Variants in PLEKHA4 observed in about 807,000 individuals in gnomAD.
PLEKHA4 encodes the protein pleckstrin homology domain containing A4.
In PLEKHA4, 73 loss-of-function variants were observed where a neutral mutation model predicts 94.7. That is an observed-to-expected ratio of 0.77 (90% CI 0.64 to 0.94). PLEKHA4 has a LOEUF of 0.94. Ranked by LOEUF, PLEKHA4 falls within the 40% of genes least tolerant of loss-of-function variation. The pLI, the probability that PLEKHA4 is intolerant of heterozygous loss-of-function variation, is 0.00. For missense variants in PLEKHA4, 1,049 were observed against 1,054.1 expected (o/e 1.00, Z 0.07); for synonymous variants, 449 against 437.1 (o/e 1.03, Z -0.34).
intron 6 of PLEKHA4, 146 bp downstream of exon 6, chr19:48,860,204 G>A (rs766661032): frequency 1.5e-6 from 1 of 663,574 alleles, no homozygotes; most frequent in Non-Finnish European, 2.6e-6. Flanking sequence ...AAAGTTCCCT[G>A]GAGGTGGGGC....
intron 17 of PLEKHA4, among the ~76,000 whole-genome samples, chr19:48,839,969 G>T (rs2035691037): frequency 6.6e-6 from 1 of 151,816 alleles, no homozygotes; most frequent in African/African-American, 2.4e-5. Context: ...TTAGCAGGGT[G>T]TGGTGGCATG....
Position 48,852,304 on chromosome 19 carries a change from G to T in PLEKHA4, c.1349C>A (p.Thr450Lys), listed in dbSNP as rs770785626. ...CAGCTCCTGCTCCAGGCCACTGTAC[G>T]TGTCCCAAACCCTCTCTCGCTCCTC... Reference protein sequence around the residue: ...LTQERERVWDTYSGLEQELGT... With the variant: ...LTQERERVWDKYSGLEQELGT... Residue 450 changes from threonine to lysine, a missense_variant, in exon 13 of 20, where the codon ACG becomes AAG. Transcript: ENST00000263265. 2 of 1,613,840 alleles carry T rather than the reference G, an allele frequency of 1.2e-6. No individual in the cohort carries two copies. Among genetic ancestry groups the T allele is most frequent in the Non-Finnish European group, 1.7e-6 (2 of 1,179,986 alleles).
Position 48,861,678 on chromosome 19 carries a change from G to C in PLEKHA4, c.207C>G (p.Leu69=). The C allele has an allele frequency of 6.2e-7, 1 of 1,614,092 alleles. No homozygotes were observed. The highest frequency in any genetic ancestry group is 1.7e-5 in the Admixed American group (1 of 60,004). Residue 69 remains leucine, a synonymous_variant, in exon 4 of 20, where the codon CTC becomes CTG. Coordinates refer to ENST00000263265, the MANE Select transcript of PLEKHA4 (RefSeq NM_020904.3). ...GWLHKQDSSG[L]RLWKRRWFVL... ...CGAACCAGCGGCGTTTCCAGAGACG[G>C]AGCCCCGAGCTGTCCTGGGGAGAGA...
intron 3 of PLEKHA4, 120 bp from the exon 4 acceptor site, chr19:48,861,812 G>A: frequency 1.1e-6 from 1 of 914,054 alleles, no homozygotes; most frequent in Non-Finnish European, 1.7e-6. Context: ...GGAGAACAGA[G>A]ACATAAAGTA....
At chr19:48,853,551 A>T in intron 12 of PLEKHA4, 131 bp downstream of exon 12, 1 of 1,012,602 alleles carries the variant, frequency 9.9e-7, no homozygotes, top group South Asian at 2.6e-5. Flanking sequence ...AGAGAGAAAA[A>T]ATAATAAAAT....
Position 48,859,126 on chromosome 19 carries a change from G to C in PLEKHA4, c.706C>G (p.Leu236Val). ...RARSPDLFTP[L>V]SRPPSPLSLP... is the part of the protein sequence containing the mutation. ...CTCAGAGGCGAGGGAGGGCGAGAGA[G>C]GGGGGTGAACAGGCTGTGGGAAGGA... Residue 236 changes from leucine to valine, a missense_variant, in exon 8 of 20, where the codon CTC (leucine) becomes GTC (valine). Leu to Val is a conservative substitution (Grantham distance 32, BLOSUM62 1). Coordinates refer to ENST00000263265, the MANE Select transcript of PLEKHA4 (RefSeq NM_020904.3). The C allele has an allele frequency of 5.3e-6, 8 of 1,515,442 alleles. No individual in the cohort carries two copies. Among genetic ancestry groups the C allele is most frequent in the East Asian group, 4.9e-5 (2 of 40,558 alleles). 93.9% of individuals were successfully genotyped at this position (1,515,442 alleles called of 1,614,324 possible). A position where few individuals can be genotyped will look rare whatever the true frequency, so the allele number is the denominator to read the frequency against.
rs1372124686 is a variant in PLEKHA4 at position 48,858,877 on chromosome 19, GACTC to G, written c.951_954del (p.Trp317CysfsTer51). ...CTGCTCACCTGTGTTCTGGGCTCCTGACTCCAGTGCTGGGGACTCCTGGGGGGCT... is the reference window on the plus strand; with the variant it reads ...CTGCTCACCTGTGTTCTGGGCTCCTGCAGTGCTGGGGACTCCTGGGGGGCT... On this transcript the variant is annotated frameshift_variant, in exon 8 of 20. Transcript: ENST00000263265. LOFTEE classifies it high-confidence loss of function. 6.2e-7 allele frequency: 1 copy of G among 1,612,584 alleles called. No homozygotes were observed. Among genetic ancestry groups the G allele is most frequent in the African/African-American group, 1.3e-5 (1 of 74,762 alleles).
intron 14 of PLEKHA4, among the ~76,000 whole-genome samples, chr19:48,846,219 C>T (rs183473893): frequency 7.3e-5 from 11 of 151,652 alleles, no homozygotes; most frequent in Admixed American, 1.3e-4. Flanking sequence ...TTTGGGAGGC[C>T]GAGGCAGGCG....
chr19:48,858,942 G>T lies in PLEKHA4; in HGVS notation c.890C>A (p.Pro297His). 1 of 1,598,602 alleles carries T rather than the reference G, an allele frequency of 6.3e-7. No homozygotes were observed. Among genetic ancestry groups the T allele is most frequent in the Non-Finnish European group, 8.5e-7 (1 of 1,175,330 alleles). Residue 297 changes from proline to histidine, a missense_variant, in exon 8 of 20, where the codon CCC becomes CAC. By Grantham distance (77) the Pro-to-His change is moderately conservative. Transcript: ENST00000263265. ...QRQTLSRPPT[P>H]RRGPPSEAGG... is the part of the protein sequence containing the mutation. The stretch of plus-strand genomic sequence containing the variant: ...AGCCTCAGAGGGAGGTCCTCGGCGG[G>T]GAGTAGGGGGTCGGGAGAGGGTCTG...
intron 14 of PLEKHA4, among the ~76,000 whole-genome samples, chr19:48,846,440 A>G (rs766775769): frequency 3.5e-4 from 53 of 151,994 alleles, no homozygotes; most frequent in Middle Eastern, 3.2e-3. Context: ...CAACAGAGAG[A>G]GACTCCATCT....
Position 48,861,520 on chromosome 19 carries a change from G to C in PLEKHA4, c.266-19C>G. ...CGGCTGTCTGCAAAGAGGGGCTGGG[G>C]TCAAGGATCACACAGGGATCAGAAG... On this transcript the variant is annotated intron_variant, in intron 4 of 19. Transcript: ENST00000263265. The C allele has an allele frequency of 6.2e-7, 1 of 1,613,530 alleles. No homozygotes were observed. The highest frequency in any genetic ancestry group is 8.5e-7 in the Non-Finnish European group (1 of 1,179,484).
chr19:48,854,456 CCT>C (rs2123053243), intron 9 of PLEKHA4, among the ~76,000 whole-genome samples, 192 bp from the exon 10 acceptor site: 1 of 152,150 alleles, frequency 6.6e-6, no homozygotes, highest in East Asian at 1.9e-4. Context: ...GCAGGCTCAA[CCT>C]CCTGGGCTCA....
At chr19:48,850,041 TC>T (rs2036121547) in intron 13 of PLEKHA4, among the ~76,000 whole-genome samples, 1 of 151,574 alleles carries the variant, frequency 6.6e-6, no homozygotes, top group African/African-American at 2.4e-5. Context: ...TGAAACCCCG[TC>T]TCTACTAAAA....
chr19:48,853,180 A>G (rs1426486342), intron 12 of PLEKHA4, among the ~76,000 whole-genome samples: 2 of 151,486 alleles, frequency 1.3e-5, no homozygotes, highest in Admixed American at 1.3e-4. Context: ...TTAAATATTC[A>G]TTCATTCATT....
chr19:48,851,338 C>T (rs986546381), intron 13 of PLEKHA4, among the ~76,000 whole-genome samples: 2 of 152,118 alleles, frequency 1.3e-5, no homozygotes, highest in African/African-American at 2.4e-5. Flanking sequence ...TGTTGTAGGC[C>T]GGGCGCAGTG....
chr19:48,850,761 G>A (rs1458483650), intron 13 of PLEKHA4, among the ~76,000 whole-genome samples: 1 of 152,000 alleles, frequency 6.6e-6, no homozygotes, highest in African/African-American at 2.4e-5. Context: ...ATGTTGCGGT[G>A]AACCGAGATT....
rs2035605284 is a variant in PLEKHA4, at chr19:48,838,037, T to G, written c.2057A>C (p.Gln686Pro). The change falls in exon 19 of 20, where the codon CAG becomes CCG. Residue 686 changes from glutamine to proline, a missense_variant. Gln to Pro is a moderately conservative substitution (Grantham distance 76). Coordinates refer to ENST00000263265, the MANE Select transcript of PLEKHA4 (RefSeq NM_020904.3). ...GTCACCTGTCATCATTCTGTGCCACTGCGACGCCTCAGTAGCCAGGGCTTG... is the reference window on the plus strand; with the variant it reads ...GTCACCTGTCATCATTCTGTGCCACGGCGACGCCTCAGTAGCCAGGGCTTG... ...LSQALATEAS[Q>P]WHRMMTGGNL... The G allele has an allele frequency of 6.2e-7, 1 of 1,613,544 alleles. No homozygotes were observed. Among genetic ancestry groups the G allele is most frequent in the Non-Finnish European group, 8.5e-7 (1 of 1,179,708 alleles).
intron 9 of PLEKHA4, 100 bp from the exon 10 acceptor site, chr19:48,854,364 C>A: frequency 1.0e-6 from 1 of 1,004,702 alleles, no homozygotes; most frequent in Non-Finnish European, 1.5e-6. Flanking sequence ...AGGTACTGCA[C>A]TATTTATTTA....
intron 6 of PLEKHA4, chr19:48,859,989 A>G: frequency 1.8e-6 from 1 of 562,102 alleles, no homozygotes; most frequent in South Asian, 2.3e-5. Flanking sequence ...AGATAGTCTG[A>G]CATTTTTTTA....
Sources: allele counts gnomAD v4.1 joint callset (sites outside exome capture counted in the v4.1 genomes callset), GRCh38; gene constraint gnomAD v4.1.1; transcripts MANE v1.5; gene names NCBI Gene and HGNC (gene_info 2026-07-23, HGNC 2026-07-21).